The following ASAP3 variants were observed in gnomAD, a reference collection of about 807,000 sequenced individuals.
ASAP3 encodes arf-GAP with SH3 domain, ANK repeat and PH domain-containing protein 3.
In ASAP3, 85 loss-of-function variants were observed where a neutral mutation model predicts 118.2. That is an observed-to-expected ratio of 0.72 (90% confidence interval 0.60 to 0.86). The LOEUF (loss-of-function observed/expected upper bound fraction) is 0.86, where lower values mean the gene tolerates loss of function less well. Ranked by LOEUF, ASAP3 falls within the 40% of genes least tolerant of loss-of-function variation. ASAP3 has a pLI of 0.00. For synonymous variants in ASAP3, 432 were observed against 477.4 expected, an observed-to-expected ratio of 0.90 and a Z score of 1.24; for missense variants, 1,026 against 1,175.0, an observed-to-expected ratio of 0.87 and a Z score of 1.85.
At chr1:23,482,419 G>A (rs528794482) in intron 1 of ASAP3, among the ~76,000 whole-genome samples, 1 of 152,258 alleles carries the variant, frequency 6.6e-6, no homozygotes, top group East Asian at 1.9e-4. Flanking sequence ...CTGCTTGGGA[G>A]GCTGAGGAAT....
At chr1:23,470,781 C>T (rs1337707996) in intron 1 of ASAP3, among the ~76,000 whole-genome samples, 2 of 152,204 alleles carry the variant, frequency 1.3e-5, no homozygotes, top group African/African-American at 4.8e-5. Flanking sequence ...TACCGGCTGT[C>T]CCTTGTGGGG....
At chr1:23,443,733 G>A (rs1273031221) in intron 5 of ASAP3, among the ~76,000 whole-genome samples, 1 of 146,660 alleles carries the variant, frequency 6.8e-6, no homozygotes, top group Non-Finnish European at 1.5e-5. Context: ...GTCTCGCTCT[G>A]TTGCCCAGGC....
chr1:23,441,334 C>T, intron 9 of ASAP3, 53 bp downstream of exon 9: 2 of 1,609,056 alleles, frequency 1.2e-6, no homozygotes, highest in South Asian at 1.1e-5. Context: ...CTCCCTCCCT[C>T]CACGGTGGGC....
chr1:23,455,991 C>G lies in ASAP3; in HGVS notation c.238G>C (p.Val80Leu), dbSNP rs201389143. Residue 80 changes from valine to leucine, a missense_variant, in exon 3 of 25, where the codon GTG (valine) becomes CTG (leucine). Physicochemically the swap from Val to Leu is conservative, Grantham distance 32 (BLOSUM62 1). Transcript: ENST00000336689. ...AGGTGGCTGTTGCCTAAGGATTCCA[C>G]GGCCTCTCGGTACTGCTCTTCATTC... ...VENEEQYREAVESLGNSHLSQ... is the reference protein window; with the variant it reads ...VENEEQYREALESLGNSHLSQ... 1.9e-6 allele frequency: 3 copies of G among 1,614,114 alleles called. No homozygotes were observed. Among genetic ancestry groups the G allele is most frequent in the Non-Finnish European group, 2.5e-6 (3 of 1,180,020 alleles).
chr1:23,461,842 C>T (rs967609481), intron 1 of ASAP3, among the ~76,000 whole-genome samples: 8 of 152,092 alleles, frequency 5.3e-5, no homozygotes, highest in Non-Finnish European at 1.0e-4. Flanking sequence ...TCAGCCTTGT[C>T]CCTAGTGATT....
Position 23,438,910 on chromosome 1 carries a change from CTGTTAAA to C in ASAP3, c.1015-83_1015-77del. On this transcript the variant is annotated intron_variant, in intron 11 of 24. Coordinates refer to ENST00000336689, the MANE Select transcript of ASAP3 (RefSeq NM_017707.4). This position sits in a 1 kb window ranked among gnomAD's most constrained non-coding sequence, Gnocchi z 4.9. ...ATTCTTTAGGCCTCCATTTCCCACTCTGTTAAATGGGCATAATCATCCTGTTCCATTT... is the reference window on the plus strand; with the variant it reads ...ATTCTTTAGGCCTCCATTTCCCACTCTGGGCATAATCATCCTGTTCCATTT... The C allele has an allele frequency of 7.1e-7, 1 of 1,416,114 alleles. No homozygotes were observed. The highest frequency in any genetic ancestry group is 1.0e-6 in the Non-Finnish European group (1 of 1,004,362). The allele number at this position is 1,416,114 out of a possible 1,614,324, so 87.7% of individuals were successfully genotyped here. A position where few individuals can be genotyped will look rare whatever the true frequency, so the allele number is the denominator to read the frequency against.
intron 1 of ASAP3, among the ~76,000 whole-genome samples, chr1:23,481,408 T>A (rs2148668008): frequency 6.6e-6 from 1 of 152,106 alleles, no homozygotes; most frequent in Middle Eastern, 3.4e-3. Context: ...GGGGAAAAAA[T>A]TGCAGCATCA....
chr1:23,434,533 C>T lies in ASAP3; in HGVS notation c.1835G>A (p.Gly612Asp). Reference sequence around the variant, plus strand: ...GACAGACAGGCAGGGAGGCTCTCACCCGTTCTGGATGATGAAATCCACCAG... The same window carrying T: ...GACAGACAGGCAGGGAGGCTCTCACTCGTTCTGGATGATGAAATCCACCAG... Reference protein sequence around the residue: ...LPLVDFIIQNGGHLDAKAADG... With the variant: ...LPLVDFIIQNDGHLDAKAADG... The change falls in exon 18 of 25, where the codon GGT becomes GAT. Residue 612 changes from glycine (G) to aspartate (D), a missense_variant and splice_region_variant. Transcript: ENST00000336689. The T allele has an allele frequency of 6.2e-7, 1 of 1,613,972 alleles. No individual in the cohort carries two copies. The highest frequency in any genetic ancestry group is 2.2e-5 in the East Asian group (1 of 44,882).
At position 23,437,015 on chromosome 1, in the gene ASAP3, C is replaced by A; in HGVS notation, c.1372G>T (p.Val458Leu). 1 of 1,611,906 alleles carries A rather than the reference C, an allele frequency of 6.2e-7. No homozygotes were observed. The highest frequency in any genetic ancestry group is 2.2e-5 in the East Asian group (1 of 44,810). ...CCCGAGCACTGGATGCAGGTGAGCACGCCCAGGTTGGTGCTGAGCCACGTG... is the reference window on the plus strand; with the variant it reads ...CCCGAGCACTGGATGCAGGTGAGCAAGCCCAGGTTGGTGCTGAGCCACGTG... Reference protein sequence around the residue: ...DPTWLSTNLGVLTCIQCSGVH... With the variant: ...DPTWLSTNLGLLTCIQCSGVH... Residue 458 changes from valine to leucine, a missense_variant, in exon 15 of 25, where the codon GTG becomes TTG. Coordinates refer to ENST00000336689, the MANE Select transcript of ASAP3 (RefSeq NM_017707.4). The surrounding 1 kb of genome is among the most constrained non-coding windows in gnomAD (Gnocchi z 6.1).
At chr1:23,430,994 C>G in intron 24 of ASAP3, 41 bp downstream of exon 24, 2 of 1,490,668 alleles carry the variant, frequency 1.3e-6, no homozygotes, top group Non-Finnish European at 1.8e-6. Context: ...CTCCCAGGCA[C>G]CCTGCCACCG....
rs548061774 is a variant in ASAP3 at position 23,431,505 on chromosome 1, A to T, written c.2546+191T>A. Among the ~76,000 whole-genome samples, 14 of 152,286 alleles carry T rather than the reference A, an allele frequency of 9.2e-5. No individual in the cohort carries two copies. In the South Asian group the frequency reaches 2.7e-3, roughly 29 times the overall value. ...ATCCCTGGCTCCTCCTCAGCTCTCCATGCAGGATTTGGGAGCAAGTGTGTG... is the reference window on the plus strand; with the variant it reads ...ATCCCTGGCTCCTCCTCAGCTCTCCTTGCAGGATTTGGGAGCAAGTGTGTG... On this transcript the variant is annotated intron_variant, in intron 23 of 24. Transcript: ENST00000336689.
intron 1 of ASAP3, among the ~76,000 whole-genome samples, chr1:23,460,732 T>A (rs990666556): frequency 7.2e-5 from 11 of 152,164 alleles, no homozygotes; most frequent in African/African-American, 2.7e-4. Context: ...ATTTTCTCAA[T>A]GAGTTGAAAA....
chr1:23,442,199 G>T lies in ASAP3; in HGVS notation c.658C>A (p.His220Asn). The part of the protein sequence containing the change: ...DFLQSLIKFF[H>N]AQHNFFQDGW... ...GAAGATACCTACTTGTGCTGGGCGTGGAAGAACTTGATGAGGCTCTGAAGG... is the reference window on the plus strand; with the variant it reads ...GAAGATACCTACTTGTGCTGGGCGTTGAAGAACTTGATGAGGCTCTGAAGG... Residue 220 changes from histidine (H) to asparagine (N), a missense_variant, in exon 7 of 25, where the codon CAC becomes AAC. His to Asn is a moderately conservative substitution (Grantham distance 68). Transcript: ENST00000336689. 6.2e-7 allele frequency: 1 copy of T among 1,602,362 alleles called. No individual in the cohort carries two copies. Among genetic ancestry groups the T allele is most frequent in the Non-Finnish European group, 8.5e-7 (1 of 1,175,212 alleles).
intron 1 of ASAP3, among the ~76,000 whole-genome samples, chr1:23,457,372 C>A (rs1428251111): frequency 6.6e-6 from 1 of 152,144 alleles, no homozygotes; most frequent in Admixed American, 6.5e-5. Flanking sequence ...CAAAATGATA[C>A]CCACAGGAGA....
intron 21 of ASAP3, 50 bp downstream of exon 21, chr1:23,433,375 G>C: frequency 1.9e-6 from 3 of 1,613,628 alleles, no homozygotes; most frequent in Non-Finnish European, 2.5e-6. Flanking sequence ...GCCCAATCTG[G>C]CTCTTTCCTT....
chr1:23,453,088 T>C (rs1641274996), intron 3 of ASAP3, among the ~76,000 whole-genome samples: 1 of 152,138 alleles, frequency 6.6e-6, no homozygotes, highest in Non-Finnish European at 1.5e-5. Context: ...CCTTCCCTGA[T>C]GGCTCCAGCC....
rs775536140 is a variant in ASAP3, at chr1:23,455,950, A to G, written c.279T>C (p.His93=). ...LGNSHLSQNS[H]ELSTGFLNLA... ...AGTTTAGGAAGCCTGTGGACAGCTCATGGCTGTTCTGGGACAGGTGGCTGT... is the reference window on the plus strand; with the variant it reads ...AGTTTAGGAAGCCTGTGGACAGCTCGTGGCTGTTCTGGGACAGGTGGCTGT... The change falls in exon 3 of 25, where the codon CAT becomes CAC. Residue 93 remains histidine (H), a synonymous_variant. Transcript: ENST00000336689. 1 of 1,610,052 alleles carries G rather than the reference A, an allele frequency of 6.2e-7. No homozygotes were observed. Among genetic ancestry groups the G allele is most frequent in the Admixed American group, 1.7e-5 (1 of 60,008 alleles).
At chr1:23,430,491 T>A (rs994389444) in intron 24 of ASAP3, among the ~76,000 whole-genome samples, 1 of 152,200 alleles carries the variant, frequency 6.6e-6, no homozygotes, top group African/African-American at 2.4e-5. Context: ...CCCTGTCACA[T>A]CCCTCTATGC....
chr1:23,484,246 GCCCCTCCGCACGCCC>G, upstream of ASAP3: 1 of 1,004,618 alleles, frequency 1.0e-6, no homozygotes, highest in Non-Finnish European at 1.2e-6. Context: ...CACACGCCCC[GCCCCTCCGCACGCCC>G]CGCCCCCGAC....
Sources: allele counts gnomAD v4.1 joint callset (sites outside exome capture counted in the v4.1 genomes callset), GRCh38; gene constraint gnomAD v4.1.1; non-coding constraint Gnocchi (gnomAD v3.1); transcripts MANE v1.5; gene names NCBI Gene and HGNC (gene_info 2026-07-23, HGNC 2026-07-21).